Variants in CRADD observed in about 807,000 individuals in gnomAD.
The protein encoded by CRADD is death domain-containing protein CRADD.
A neutral mutation model predicts 15.5 loss-of-function variants in CRADD; 9 were observed. The observed-to-expected ratio is 0.58, with a 90% CI of 0.35 to 1.01. CRADD has a LOEUF of 1.01. Among genes scored for constraint, CRADD ranks in the 50% least tolerant of loss-of-function variants. CRADD has a pLI of 0.02. For missense variants in CRADD, 227 were observed against 250.3 expected (o/e 0.91, Z 0.63); for synonymous variants, 118 against 107.6 (o/e 1.10, Z -0.60).
intron 2 of CRADD, among the ~76,000 whole-genome samples, chr12:93,825,595 T>C (rs1957814817): frequency 6.6e-6 from 1 of 152,244 alleles, no homozygotes; most frequent in African/African-American, 2.4e-5. Context: ...ATATTTGTCA[T>C]ACAGCGGAGA....
At chr12:93,738,771 G>GT (rs1361134202) in intron 2 of CRADD, 1 of 233,040 alleles carries the variant, frequency 4.3e-6, no homozygotes, top group African/African-American at 2.3e-5. Flanking sequence ...AAAATAATTA[G>GT]TAAGTCACAA....
At chr12:93,794,431 T>G (rs1183015552) in intron 2 of CRADD, among the ~76,000 whole-genome samples, 1 of 152,146 alleles carries the variant, frequency 6.6e-6, no homozygotes, top group African/African-American at 2.4e-5. Context: ...AATAACACTG[T>G]TATATATCTG....
At chr12:93,817,655 G>A (rs529422573) in intron 2 of CRADD, among the ~76,000 whole-genome samples, 3 of 151,686 alleles carry the variant, frequency 2.0e-5, no homozygotes, top group Admixed American at 1.3e-4. Context: ...ACACGCATCA[G>A]ATGAGGAGCA....
intron 2 of CRADD, among the ~76,000 whole-genome samples, chr12:93,751,835 C>T (rs1956832095): frequency 6.6e-6 from 1 of 152,188 alleles, no homozygotes; most frequent in South Asian, 2.1e-4. Flanking sequence ...TGCATTCCAG[C>T]CTGGGAGACA....
intron 2 of CRADD, among the ~76,000 whole-genome samples, chr12:93,844,365 G>A (rs1160790360): frequency 6.6e-6 from 1 of 152,158 alleles, no homozygotes; most frequent in Non-Finnish European, 1.5e-5. Flanking sequence ...GGTCTCATGA[G>A]GATACTGTCC....
chr12:93,860,017 A>G (rs1958307234), intron 2 of CRADD, among the ~76,000 whole-genome samples: 1 of 151,850 alleles, frequency 6.6e-6, no homozygotes, highest in African/African-American at 2.4e-5. Flanking sequence ...GACATTGGCC[A>G]CTGTATTTGG....
At chr12:93,726,094 G>GTTTTTTTTTTTTTTTTTT (rs1165429350) in intron 2 of CRADD, among the ~76,000 whole-genome samples, 4 of 96,010 alleles carry the variant, frequency 4.2e-5, no homozygotes, top group Non-Finnish European at 8.1e-5. Flanking sequence ...AAATAGTTTA[G>GTTTTTTTTTTTTTTTTTT]TTTTTTTTTT....
intron 2 of CRADD, among the ~76,000 whole-genome samples, chr12:93,777,006 C>A (rs999665297): frequency 2.0e-5 from 3 of 152,316 alleles, no homozygotes; most frequent in Middle Eastern, 3.4e-3. Flanking sequence ...GAATTGCATA[C>A]TTTAAATGGG....
In CRADD at chr12:93,894,118, AC is replaced by A. The variant is rs1481358818; in HGVS notation, c.*2del. The A allele has an allele frequency of 5.8e-5, 41 of 702,388 alleles. No homozygotes were observed. The East Asian group carries it at 1.1e-3, about 19-fold the overall frequency. 43.5% of individuals were successfully genotyped at this position (702,388 alleles called of 1,614,324 possible). A position where few individuals can be genotyped will look rare whatever the true frequency, so the allele number is the denominator to read the frequency against. On this transcript the variant is annotated 3_prime_UTR_variant, in exon 3 of 3. Transcript: ENST00000548483. ...TTCACAGCTCACCTGGAGATTCTGA[AC>A]TGGCATCTTCCTCTCTCTGCCATCA...
chr12:93,872,300 A>C (rs573688984), intron 2 of CRADD, among the ~76,000 whole-genome samples: 26 of 152,224 alleles, frequency 1.7e-4, no homozygotes, highest in African/African-American at 6.3e-4. Flanking sequence ...ATATATTCTT[A>C]TTAATCCCTT....
At chr12:93,881,242 T>C (rs12578141) in intron 2 of CRADD, among the ~76,000 whole-genome samples, 1 of 152,026 alleles carries the variant, frequency 6.6e-6, no homozygotes, top group African/African-American at 2.4e-5. Context: ...TAAGAAAGAC[T>C]GAGTCCTCTC....
chr12:93,842,245 G>C (rs1273274594), intron 2 of CRADD, among the ~76,000 whole-genome samples: 3 of 152,146 alleles, frequency 2.0e-5, no homozygotes, highest in Non-Finnish European at 2.9e-5. Context: ...AGGTTGACCA[G>C]ACAGGACCCT....
chr12:93,829,403 C>G (rs1957864245), intron 2 of CRADD, among the ~76,000 whole-genome samples: 1 of 152,166 alleles, frequency 6.6e-6, no homozygotes, highest in Non-Finnish European at 1.5e-5. Flanking sequence ...GGGAGATCAG[C>G]TCAGTGACTG....
rs1204756943 is a variant in CRADD, at chr12:93,679,893, G to A, written c.298+821G>A. Among the ~76,000 whole-genome samples, 4 of 152,132 alleles carry A rather than the reference G, an allele frequency of 2.6e-5. No individual in the cohort carries two copies. In the East Asian group the frequency reaches 5.8e-4, roughly 22 times the overall value. On this transcript the variant is annotated intron_variant, in intron 2 of 2. Coordinates refer to ENST00000332896, the MANE Select transcript of CRADD (RefSeq NM_003805.5). ...CTGGGCTGTCCTGTGTGGCCAAAGG[G>A]GATTATTTTGAAGGCTGACTTAGTT... is the stretch of plus-strand genomic sequence containing the variant.
chr12:93,865,442 G>A (rs1407814178), intron 2 of CRADD, among the ~76,000 whole-genome samples: 1 of 152,144 alleles, frequency 6.6e-6, no homozygotes, highest in Non-Finnish European at 1.5e-5. Context: ...TTTTGAGACA[G>A]GATCTCACTC....
At chr12:93,750,894 T>G (rs1956821362) in intron 2 of CRADD, among the ~76,000 whole-genome samples, 1 of 152,196 alleles carries the variant, frequency 6.6e-6, no homozygotes, top group African/African-American at 2.4e-5. Context: ...AACATTTTAC[T>G]TACAGAAAAC....
chr12:93,824,356 A>G lies in CRADD; in HGVS notation c.299-25614A>G, dbSNP rs955160148. Among the ~76,000 whole-genome samples, 3 of 151,928 alleles carry G rather than the reference A, an allele frequency of 2.0e-5. No homozygotes were observed. The highest frequency in any genetic ancestry group is 2.9e-5 in the Non-Finnish European group (2 of 67,998). On this transcript the variant is annotated intron_variant, in intron 2 of 2. Transcript: ENST00000332896. This position sits in a 1 kb window ranked among gnomAD's most constrained non-coding sequence, Gnocchi z 4.3. ...ATTTCCTAGGTTTGATAGCACTTCA[A>G]TTTTCTAACCATAAAAGCTGCTTCT...
intron 2 of CRADD, among the ~76,000 whole-genome samples, chr12:93,819,913 C>A (rs1158620290): frequency 2.0e-5 from 3 of 152,248 alleles, no homozygotes; most frequent in Non-Finnish European, 4.4e-5. Context: ...CATGTGGGTT[C>A]TGCAAATCTA....
At chr12:93,874,546 C>T (rs1593056492) in intron 2 of CRADD, among the ~76,000 whole-genome samples, 5 of 151,714 alleles carry the variant, frequency 3.3e-5, no homozygotes, top group Admixed American at 3.3e-4. Context: ...GAAGTTTTCC[C>T]TCTTTTTTGA....
Sources: allele counts gnomAD v4.1 joint callset (sites outside exome capture counted in the v4.1 genomes callset), GRCh38; gene constraint gnomAD v4.1.1; non-coding constraint Gnocchi (gnomAD v3.1); transcripts MANE v1.5; gene names NCBI Gene and HGNC (gene_info 2026-07-23, HGNC 2026-07-21).